The following SSBP2 variants were observed in gnomAD, a reference collection of about 807,000 sequenced individuals.
SSBP2 encodes single stranded DNA binding protein 2.
In SSBP2, 17 loss-of-function variants were observed where a neutral mutation model predicts 61.8. The ratio of observed to expected loss-of-function variants is 0.28; its 90% confidence interval spans 0.19 to 0.41. SSBP2 has a LOEUF of 0.41. Among genes scored for constraint, SSBP2 ranks in the 10% least tolerant of loss-of-function variants. The probability of loss-of-function intolerance (pLI) is 1.00; values close to 1 mark genes in which losing one functional copy is unlikely to be tolerated. For missense variants in SSBP2, 310 were observed against 458.7 expected (o/e 0.68, Z 2.96); for synonymous variants, 139 against 141.3 (o/e 0.98, Z 0.12).
intron 4 of SSBP2, among the ~76,000 whole-genome samples, chr5:81,572,355 T>A (rs1423236115): frequency 6.6e-6 from 1 of 152,214 alleles, no homozygotes; most frequent in African/African-American, 2.4e-5. Flanking sequence ...GGAATTATCC[T>A]ATTGGAGAAT....
At chr5:81,727,935 G>A (rs1041490936) in intron 1 of SSBP2, among the ~76,000 whole-genome samples, 3 of 152,158 alleles carry the variant, frequency 2.0e-5, no homozygotes, top group African/African-American at 7.2e-5. Flanking sequence ...GTCAGGGAAG[G>A]CCACTGGAAC....
At chr5:81,430,749 C>T (rs1004259521) in intron 15 of SSBP2, among the ~76,000 whole-genome samples, 9 of 151,772 alleles carry the variant, frequency 5.9e-5, no homozygotes, top group Non-Finnish European at 7.4e-5. Flanking sequence ...GTGGTGGGGA[C>T]GGGTATTTAA....
chr5:81,464,350 T>C (rs981979302), intron 9 of SSBP2, among the ~76,000 whole-genome samples: 5 of 152,198 alleles, frequency 3.3e-5, no homozygotes, highest in Non-Finnish European at 5.9e-5. Flanking sequence ...TAGAAAATTA[T>C]ATTTTGGCCA....
At chr5:81,540,933 A>G (rs1354630881) in intron 4 of SSBP2, among the ~76,000 whole-genome samples, 1 of 90,616 alleles carries the variant, frequency 1.1e-5, no homozygotes, top group Non-Finnish European at 3.2e-5. Flanking sequence ...GAAAGTTAGA[A>G]AAAAAAAAAA....
chr5:81,694,031 G>A (rs1753413210), intron 1 of SSBP2, among the ~76,000 whole-genome samples: 2 of 152,112 alleles, frequency 1.3e-5, no homozygotes, highest in Admixed American at 1.3e-4. Context: ...TCAACAACAT[G>A]GACAGAACTG....
intron 4 of SSBP2, among the ~76,000 whole-genome samples, chr5:81,590,216 G>C (rs1368895900): frequency 6.6e-6 from 1 of 152,042 alleles, no homozygotes; most frequent in African/African-American, 2.4e-5. Context: ...AAATTATAAG[G>C]AAGAAAACCA....
At chr5:81,542,817 T>TTCTCTCTC (rs60252222) in intron 4 of SSBP2, among the ~76,000 whole-genome samples, 3,198 of 106,664 alleles carry the variant, frequency 0.03, 87 homozygotes, top group South Asian at 0.066. Flanking sequence ...ATTTGACAGT[T>TTCTCTCTC]TCTCTCTCTC....
chr5:81,544,074 G>A (rs867224903), intron 4 of SSBP2, among the ~76,000 whole-genome samples: 3 of 151,964 alleles, frequency 2.0e-5, no homozygotes, highest in Admixed American at 6.6e-5. Flanking sequence ...CTTTGAGACG[G>A]AGTCTCGCTC....
intron 4 of SSBP2, among the ~76,000 whole-genome samples, chr5:81,527,398 A>G (rs929107270): frequency 6.6e-6 from 1 of 151,990 alleles, no homozygotes; most frequent in African/African-American, 2.4e-5. Flanking sequence ...ATGAAGGCCA[A>G]TCAAAAGGGG....
intron 5 of SSBP2, among the ~76,000 whole-genome samples, chr5:81,497,731 T>C (rs939136413): frequency 1.3e-5 from 2 of 152,148 alleles, no homozygotes; most frequent in East Asian, 1.9e-4. Flanking sequence ...AGAGAACTTA[T>C]AATTTAGATG....
intron 1 of SSBP2, among the ~76,000 whole-genome samples, chr5:81,740,307 TAAA>T (rs78403411): frequency 7.5e-6 from 1 of 132,456 alleles, no homozygotes; most frequent in African/African-American, 2.8e-5. Context: ...TAATCCAGGG[TAAA>T]AAAAAAAAAA....
chr5:81,439,284 T>C (rs975602315), intron 14 of SSBP2, among the ~76,000 whole-genome samples: 1 of 152,194 alleles, frequency 6.6e-6, no homozygotes, highest in Non-Finnish European at 1.5e-5. Flanking sequence ...TAAATTAGTT[T>C]ATGGTCATGT....
At chr5:81,588,445 T>G (rs1213472630) in intron 4 of SSBP2, among the ~76,000 whole-genome samples, 1 of 152,126 alleles carries the variant, frequency 6.6e-6, no homozygotes, top group East Asian at 1.9e-4. Context: ...TTTTAAAGCA[T>G]ATGTTCTTGC....
At chr5:81,431,445 G>C (rs1762279972) in intron 15 of SSBP2, among the ~76,000 whole-genome samples, 1 of 151,440 alleles carries the variant, frequency 6.6e-6, no homozygotes, top group African/African-American at 2.4e-5. Context: ...TGTCACACAT[G>C]AATATTTATA....
chr5:81,442,062 G>T (rs964159695), intron 13 of SSBP2, among the ~76,000 whole-genome samples: 2 of 152,036 alleles, frequency 1.3e-5, no homozygotes, highest in Admixed American at 1.3e-4. Context: ...ATGTATATGT[G>T]TATTAACTAC....
At chr5:81,649,710 T>A (rs960574628) in intron 2 of SSBP2, among the ~76,000 whole-genome samples, 1 of 150,988 alleles carries the variant, frequency 6.6e-6, no homozygotes, top group South Asian at 2.1e-4. Context: ...ATACCCTAAA[T>A]CTCAGCATCA....
At chr5:81,735,606 A>G (rs1756546055) in intron 1 of SSBP2, among the ~76,000 whole-genome samples, 1 of 152,210 alleles carries the variant, frequency 6.6e-6, no homozygotes, top group African/African-American at 2.4e-5. Flanking sequence ...TGAATATGCA[A>G]CCATCCATTT....
chr5:81,639,624 C>CA lies in SSBP2; in HGVS notation c.136-3007dup, dbSNP rs879913101. On this transcript the variant is annotated intron_variant, in intron 2 of 16. Transcript: ENST00000320672. The stretch of plus-strand genomic sequence containing the variant: ...TAAATACGGAGATCCAGAAAGATCT[C>CA]AAAAAAAAAAAACTCTATGCATAAG... Among the ~76,000 whole-genome samples the CA allele has an allele frequency of 4.6e-3, 622 of 134,150 alleles. 6 individuals are homozygous for CA. Among genetic ancestry groups the CA allele is most frequent in the East Asian group, 0.043 (195 of 4,586 alleles). The allele number at this position is 134,150 out of a possible 152,430, so 88.0% of individuals were successfully genotyped here. A position where few individuals can be genotyped will look rare whatever the true frequency, so the allele number is the denominator to read the frequency against.
At chr5:81,693,658 T>G (rs557729802) in intron 1 of SSBP2, among the ~76,000 whole-genome samples, 2 of 152,308 alleles carry the variant, frequency 1.3e-5, no homozygotes, top group African/African-American at 4.8e-5. Flanking sequence ...AAACAGCTTT[T>G]GTCCAAAAGA....
Sources: gnomAD v4.1 joint callset for allele counts (sites outside exome capture counted in the v4.1 genomes callset) on GRCh38, gnomAD v4.1.1 for gene constraint, MANE v1.5 for transcripts, NCBI Gene and HGNC (gene_info 2026-07-23, HGNC 2026-07-21) for gene names.